Variants in CRPPA observed in about 807,000 individuals in gnomAD.
CRPPA encodes the protein CDP-L-ribitol pyrophosphorylase A.
CRPPA carries 43 observed loss-of-function variants against 52.0 expected under a neutral mutation model. The ratio of observed to expected loss-of-function variants is 0.83; its 90% CI spans 0.65 to 1.07. The LOEUF is 1.07. CRPPA is among the 50% of genes least tolerant of loss of function. CRPPA has a pLI of 0.00. For missense variants in CRPPA, 629 were observed against 551.7 expected, an observed-to-expected ratio of 1.14 and a Z score of -1.40; for synonymous variants, 250 against 203.5, an observed-to-expected ratio of 1.23 and a Z score of -1.94.
At chr7:16,117,452 C>T (rs1360897932) in intron 9 of CRPPA, among the ~76,000 whole-genome samples, 4 of 152,178 alleles carry the variant, frequency 2.6e-5, no homozygotes, top group African/African-American at 4.8e-5. Flanking sequence ...GGCAGGAGTT[C>T]TTTGGCCTCT....
intron 6 of CRPPA, chr7:16,266,275 G>C (rs1257019761): frequency 6.6e-6 from 1 of 152,080 alleles, no homozygotes; most frequent in Non-Finnish European, 1.5e-5. Flanking sequence ...TGCATTAAAC[G>C]TGTGCTGAGC....
intron 9 of CRPPA, among the ~76,000 whole-genome samples, chr7:16,093,960 G>A (rs559855005): frequency 9.9e-5 from 15 of 152,110 alleles, no homozygotes; most frequent in East Asian, 7.7e-4. Context: ...CTATCACCCC[G>A]TTGAAACCAG....
chr7:16,397,087 A>C (rs1787602597), intron 2 of CRPPA, among the ~76,000 whole-genome samples: 1 of 152,240 alleles, frequency 6.6e-6, no homozygotes, highest in African/African-American at 2.4e-5. Context: ...ATGACATGGA[A>C]GACACACGTG....
chr7:16,201,965 T>C (rs1781870885), intron 9 of CRPPA, among the ~76,000 whole-genome samples: 1 of 152,164 alleles, frequency 6.6e-6, no homozygotes, highest in South Asian at 2.1e-4. Context: ...AATTTAAAGG[T>C]AATGTTCCTA....
At position 16,272,765 on chromosome 7, in the gene CRPPA, T is replaced by C. The variant is rs368468227; in HGVS notation, c.933+5364A>G. 5.9e-5 allele frequency among the ~76,000 whole-genome samples: 9 copies of C among 152,292 alleles called. No homozygotes were observed. The East Asian group carries it at 9.6e-4, about 16-fold the overall frequency. ...CTCAGTCTTTTATCTCACCTTTCCT[T>C]AGAAGAATATTAATTAGTAGAGACC... On this transcript the variant is annotated intron_variant, in intron 6 of 9. Transcript: ENST00000407010.
chr7:16,119,776 G>C (rs1213891611), intron 9 of CRPPA, among the ~76,000 whole-genome samples: 1 of 152,166 alleles, frequency 6.6e-6, no homozygotes, highest in Admixed American at 6.5e-5. Context: ...ACCAGAGGCC[G>C]GTTTTGGATG....
Position 16,257,630 on chromosome 7 carries a change from TA to T in CRPPA, c.1119+759del, listed in dbSNP as rs543286215. 9.2e-5 allele frequency among the ~76,000 whole-genome samples: 14 copies of T among 152,212 alleles called. No individual in the cohort carries two copies. The South Asian group carries it at 2.7e-3, about 29-fold the overall frequency. On this transcript the variant is annotated intron_variant, in intron 8 of 9. Transcript: ENST00000407010. ...ATTACTAATCCTACCTGACAAGAATTAAATTCCCACAGTATGGGATGGGCCT... is the reference window on the plus strand; with the variant it reads ...ATTACTAATCCTACCTGACAAGAATTAATTCCCACAGTATGGGATGGGCCT...
At chr7:16,405,031 T>C (rs1787918191) in intron 2 of CRPPA, among the ~76,000 whole-genome samples, 1 of 152,044 alleles carries the variant, frequency 6.6e-6, no homozygotes, top group East Asian at 1.9e-4. Flanking sequence ...TTAGGGAAAA[T>C]TTCCTACGGC....
intron 9 of CRPPA, among the ~76,000 whole-genome samples, chr7:16,174,060 T>C (rs920607986): frequency 1.3e-5 from 2 of 152,142 alleles, no homozygotes; most frequent in African/African-American, 2.4e-5. Flanking sequence ...TACATTGCCT[T>C]TGTGATCTGT....
intron 9 of CRPPA, among the ~76,000 whole-genome samples, chr7:16,159,311 T>C (rs1301743531): frequency 6.6e-6 from 1 of 152,146 alleles, no homozygotes; most frequent in Non-Finnish European, 1.5e-5. Context: ...ATATCCTGGA[T>C]AGCAGTGCTT....
In CRPPA at chr7:16,334,329, G is replaced by A. The variant is rs1785627703; in HGVS notation, c.685-25702C>T. Among the ~76,000 whole-genome samples the A allele has an allele frequency of 1.3e-5, 2 of 152,184 alleles. 1 individual carries two copies. The highest frequency in any genetic ancestry group is 4.2e-4 in the South Asian group (2 of 4,808). On this transcript the variant is annotated intron_variant, in intron 3 of 9. Transcript: ENST00000407010. Reference sequence around the variant, plus strand: ...TAGAGAAGTAATCAAACTAAGCCCTGGTGTTCTTGTTATATCCTCCAAGGT... The same window carrying A: ...TAGAGAAGTAATCAAACTAAGCCCTAGTGTTCTTGTTATATCCTCCAAGGT...
chr7:16,106,875 C>T (rs762881857), intron 9 of CRPPA, among the ~76,000 whole-genome samples: 3 of 151,798 alleles, frequency 2.0e-5, no homozygotes, highest in Non-Finnish European at 2.9e-5. Flanking sequence ...TAAGAATATA[C>T]AGATAGGAAA....
At chr7:16,270,844 C>T (rs1256981238) in intron 6 of CRPPA, among the ~76,000 whole-genome samples, 2 of 152,052 alleles carry the variant, frequency 1.3e-5, no homozygotes, top group Non-Finnish European at 2.9e-5. Context: ...TAGGATGCTG[C>T]TGTGGCTTAA....
At chr7:16,282,026 T>A (rs987811579) in intron 5 of CRPPA, among the ~76,000 whole-genome samples, 2 of 152,194 alleles carry the variant, frequency 1.3e-5, no homozygotes, top group African/African-American at 4.8e-5. Flanking sequence ...TTCTGTCTTA[T>A]ATGTTTGTTT....
chr7:16,420,262 T>G (rs1342456829), intron 1 of CRPPA, among the ~76,000 whole-genome samples: 1 of 152,198 alleles, frequency 6.6e-6, no homozygotes, highest in African/African-American at 2.4e-5. Flanking sequence ...TCAGAGAAGT[T>G]CAAACACCTT....
chr7:16,205,986 C>G (rs1781964696), intron 9 of CRPPA, among the ~76,000 whole-genome samples: 1 of 151,980 alleles, frequency 6.6e-6, no homozygotes, highest in South Asian at 2.1e-4. Context: ...CCAAACAGAT[C>G]AAGTCAGAAT....
Position 16,100,740 on chromosome 7 carries a change from G to A in CRPPA, c.1252-8941C>T, listed in dbSNP as rs1019030420. On this transcript the variant is annotated intron_variant, in intron 9 of 9. Transcript: ENST00000407010. ...TCCTTGTCTTGTGCCAGTTTTCAAA[G>A]GGAATGCTTCCAGCTTTTGCCCATT... 6.6e-5 allele frequency among the ~76,000 whole-genome samples: 10 copies of A among 152,316 alleles called. No homozygotes were observed. The South Asian group carries it at 8.3e-4, about 13-fold the overall frequency.
In CRPPA at chr7:16,377,540, T is replaced by C. The variant is rs916790046; in HGVS notation, c.535-1299A>G. ...AGGAGCTCTGCAGACTCCGTCCTCA[T>C]TGAAACTAGTGAAAAGTATTTTAAG... is the stretch of plus-strand genomic sequence containing the variant. On this transcript the variant is annotated intron_variant, in intron 2 of 9. Coordinates refer to ENST00000407010, the MANE Select transcript of CRPPA (RefSeq NM_001101426.4). 4.6e-5 allele frequency among the ~76,000 whole-genome samples: 7 copies of C among 152,242 alleles called. No homozygotes were observed. In the East Asian group the frequency reaches 7.7e-4, roughly 17 times the overall value.
At position 16,204,372 on chromosome 7, in the gene CRPPA, AACAG is replaced by A. The variant is rs144925212; in HGVS notation, c.1251+11690_1251+11693del. Among the ~76,000 whole-genome samples, 636 of 152,246 alleles carry A rather than the reference AACAG, an allele frequency of 4.2e-3. 8 individuals are homozygous for A. Among genetic ancestry groups the A allele is most frequent in the East Asian group, 0.019 (96 of 5,184 alleles). ...CCATCATCTTAAGTGAAACAACTCA[AACAG>A]ACACTCAAATACCAAGTTTTCAGTT... On this transcript the variant is annotated intron_variant, in intron 9 of 9. Transcript: ENST00000407010.
Sources: gnomAD v4.1 joint callset for allele counts (sites outside exome capture counted in the v4.1 genomes callset) on GRCh38, gnomAD v4.1.1 for gene constraint, MANE v1.5 for transcripts, NCBI Gene and HGNC (gene_info 2026-07-23, HGNC 2026-07-21) for gene names.